CS: variants seen among roughly 807,000 people sequenced by gnomAD.
The protein encoded by CS is citrate synthase, also known as citrate synthase, mitochondrial.
A neutral mutation model predicts 61.4 loss-of-function variants in CS; 13 were observed. The ratio of observed to expected loss-of-function variants is 0.21; its 90% CI spans 0.14 to 0.34. CS has a LOEUF of 0.34. Among genes scored for constraint, CS ranks in the 10% least tolerant of loss-of-function variants. The probability of loss-of-function intolerance (pLI) is 1.00; values close to 1 mark genes in which losing one functional copy is unlikely to be tolerated. For synonymous variants in CS, 159 were observed against 215.2 expected, an observed-to-expected ratio of 0.74 and a Z score of 2.29; for missense variants, 278 against 573.4, an observed-to-expected ratio of 0.48 and a Z score of 5.26.
At chr12:56,274,679 C>T in intron 9 of CS, 98 bp downstream of exon 9, 1 of 948,408 alleles carries the variant, frequency 1.1e-6, no homozygotes, top group East Asian at 2.7e-5. Context: ...AAAAAAAAAT[C>T]TCTAATTTAG....
intron 6 of CS, 71 bp from the exon 7 acceptor site, chr12:56,276,266 G>C (rs750215519): frequency 9.6e-6 from 14 of 1,458,030 alleles, no homozygotes; most frequent in Non-Finnish European, 1.2e-5. Context: ...CAGGGATATC[G>C]TCTGTCCTCC....
intron 4 of CS, among the ~76,000 whole-genome samples, chr12:56,283,581 A>G (rs1470666612): frequency 1.3e-5 from 2 of 152,134 alleles, no homozygotes; most frequent in Non-Finnish European, 2.9e-5. Context: ...TCTTCACATA[A>G]CTTACCTCTG....
intron 9 of CS, 24 bp downstream of exon 9, chr12:56,274,753 T>C (rs1431576190): frequency 4.0e-6 from 6 of 1,497,936 alleles, no homozygotes; most frequent in Non-Finnish European, 5.4e-6. Flanking sequence ...GTTTCTTTCC[T>C]AGTCGTTAAG....
At chr12:56,273,399 G>GA in intron 10 of CS, 145 bp from the exon 11 acceptor site, 1 of 993,038 alleles carries the variant, frequency 1.0e-6, no homozygotes, top group East Asian at 2.6e-5. Flanking sequence ...ATGACACTGA[G>GA]AAAAGTATAG....
intron 1 of CS, among the ~76,000 whole-genome samples, chr12:56,293,003 A>G (rs1284555680): frequency 6.6e-6 from 1 of 152,128 alleles, no homozygotes; most frequent in African/African-American, 2.4e-5. Context: ...TTCAAACAGG[A>G]GGCTGAGGCA....
intron 6 of CS, among the ~76,000 whole-genome samples, chr12:56,280,416 C>CAAAAAAAAAAAAAA (rs1190260476): frequency 1.1e-5 from 1 of 89,770 alleles, no homozygotes; most frequent in African/African-American, 4.1e-5. Context: ...CACCGTCTCC[C>CAAAAAAAAAAAAAA]AAAAAAAACA....
Position 56,272,192 on chromosome 12 carries a change from T to C in CS, c.*892A>G. ...TCATGCTGGTCATTCCGGAGTTCTA[T>C]GCCCCACAGCATATTAAAAGATGGG... On this transcript the variant is annotated 3_prime_UTR_variant, in exon 11 of 11. Transcript: ENST00000351328. 3.8e-6 allele frequency: 1 copy of C among 260,676 alleles called. No individual in the cohort carries two copies. The highest frequency in any genetic ancestry group is 3.6e-5 in the South Asian group (1 of 27,462). 16.1% of individuals were successfully genotyped at this position (260,676 alleles called of 1,614,324 possible). A position where few individuals can be genotyped will look rare whatever the true frequency, so the allele number is the denominator to read the frequency against.
rs1401664589 is a variant in CS, at chr12:56,284,314, C to T, written c.202-457G>A. The stretch of plus-strand genomic sequence containing the variant: ...AGCCTGGGTGACAAGAGCAAAACTC[C>T]ATCTCAAAAAAAAAAAAAAAAAAGA... On this transcript the variant is annotated intron_variant, in intron 3 of 10. Coordinates refer to ENST00000351328, the MANE Select transcript of CS (RefSeq NM_004077.3). 4.3e-5 allele frequency among the ~76,000 whole-genome samples: 5 copies of T among 115,666 alleles called. 1 individual carries two copies. Among genetic ancestry groups the T allele is most frequent in the Admixed American group, 2.8e-4 (3 of 10,540 alleles). The allele number at this position is 115,666 out of a possible 152,430, so 75.9% of individuals were successfully genotyped here.
intron 1 of CS, among the ~76,000 whole-genome samples, chr12:56,294,285 C>A (rs553977102): frequency 1.7e-4 from 26 of 151,894 alleles, no homozygotes; most frequent in African/African-American, 6.3e-4. Flanking sequence ...ACCAGTCTGG[C>A]CAAGATGGTG....
chr12:56,290,615 T>C (rs750862725), intron 1 of CS, among the ~76,000 whole-genome samples: 1 of 152,100 alleles, frequency 6.6e-6, no homozygotes, highest in African/African-American at 2.4e-5. Flanking sequence ...AAGGCAGCAA[T>C]TCATTGGTAA....
intron 1 of CS, among the ~76,000 whole-genome samples, chr12:56,287,656 CTTTTCT>C (rs1268500442): frequency 6.6e-6 from 1 of 151,582 alleles, no homozygotes; most frequent in African/African-American, 2.4e-5. Context: ...TTTCTTTTTC[CTTTTCT>C]TTATTTTTTT....
intron 5 of CS, 76 bp from the exon 6 acceptor site, chr12:56,282,684 T>C: frequency 2.0e-6 from 3 of 1,530,916 alleles, no homozygotes; most frequent in South Asian, 1.3e-5. Flanking sequence ...CAGCAACATC[T>C]GAGTAAAGAA....
chr12:56,275,253 TC>T, intron 7 of CS, 122 bp from the exon 8 acceptor site: 1 of 1,156,474 alleles, frequency 8.6e-7, no homozygotes, highest in Non-Finnish European at 1.3e-6. Flanking sequence ...CTATAGCCAG[TC>T]AGTTATACCT....
intron 1 of CS, among the ~76,000 whole-genome samples, chr12:56,288,803 C>A (rs1873024687): frequency 7.2e-6 from 1 of 139,124 alleles, no homozygotes; most frequent in Admixed American, 8.1e-5. Flanking sequence ...CGCACATCAC[C>A]AAGCCCAGCT....
At chr12:56,275,924 A>G in intron 7 of CS, 72 bp downstream of exon 7, 1 of 1,314,978 alleles carries the variant, frequency 7.6e-7, no homozygotes, top group South Asian at 1.2e-5. Flanking sequence ...AGATGAGAAC[A>G]TAAAGGAGCT....
chr12:56,294,409 G>C (rs889836959), intron 1 of CS, among the ~76,000 whole-genome samples: 2 of 147,690 alleles, frequency 1.4e-5, no homozygotes, highest in Admixed American at 6.7e-5. Context: ...AGGAGGCAGA[G>C]GTTGCAGTGA....
At chr12:56,297,311 T>C (rs1342356382) in intron 1 of CS, among the ~76,000 whole-genome samples, 1 of 152,242 alleles carries the variant, frequency 6.6e-6, no homozygotes, top group Non-Finnish European at 1.5e-5. Context: ...CACCCACAGA[T>C]AATACTAAGG....
rs1388780220 is a variant in CS, at chr12:56,271,901, AAAG to A, written c.*1180_*1182del. On this transcript the variant is annotated 3_prime_UTR_variant, in exon 11 of 11. Transcript: ENST00000351328. Reference sequence around the variant, plus strand: ...TGTATCTTAATCCTTTCTCAAAGAAAAAGAAGTAGAGCATTCTGAGTTGCTGAA... The same window carrying A: ...TGTATCTTAATCCTTTCTCAAAGAAAAAGTAGAGCATTCTGAGTTGCTGAA... 2.2e-6 allele frequency: 1 copy of A among 456,330 alleles called. No homozygotes were observed. The highest frequency in any genetic ancestry group is 4.4e-6 in the Non-Finnish European group (1 of 226,790). The allele number at this position is 456,330 out of a possible 1,614,324, so 28.3% of individuals were successfully genotyped here.
chr12:56,279,440 C>G (rs954254925), intron 6 of CS, among the ~76,000 whole-genome samples: 1 of 152,100 alleles, frequency 6.6e-6, no homozygotes, highest in African/African-American at 2.4e-5. Context: ...AGTTCAAGAT[C>G]AGCCTGGCCA....
Sources: allele counts gnomAD v4.1 joint callset (sites outside exome capture counted in the v4.1 genomes callset), GRCh38; gene constraint gnomAD v4.1.1; transcripts MANE v1.5; gene names NCBI Gene and HGNC (gene_info 2026-07-23, HGNC 2026-07-21).